The following PCMT1 variants were observed in gnomAD, a reference collection of about 807,000 sequenced individuals.
PCMT1 encodes protein-L-isoaspartate (D-aspartate) O-methyltransferase.
In PCMT1, 9 loss-of-function variants were observed where a neutral mutation model predicts 29.2. The ratio of observed to expected loss-of-function variants is 0.31; its 90% CI spans 0.19 to 0.54. The LOEUF is 0.54. Ranked by LOEUF, PCMT1 falls within the 20% of genes least tolerant of loss-of-function variation. The pLI is 0.95. For synonymous variants in PCMT1, 98 were observed against 97.5 expected (o/e 1.00, Z -0.03); for missense variants, 184 against 282.2 (o/e 0.65, Z 2.49).
At chr6:149,772,910 G>C (rs542560956) in intron 2 of PCMT1, among the ~76,000 whole-genome samples, 1 of 151,744 alleles carries the variant, frequency 6.6e-6, no homozygotes, top group Non-Finnish European at 1.5e-5. Context: ...CCAGCTACTC[G>C]GGAGGCTGAG....
At chr6:149,800,141 G>A (rs989666100) in intron 6 of PCMT1, among the ~76,000 whole-genome samples, 2 of 152,026 alleles carry the variant, frequency 1.3e-5, no homozygotes, top group Non-Finnish European at 2.9e-5. Context: ...TTTGATTGAG[G>A]GCACCCTTTC....
intron 3 of PCMT1, among the ~76,000 whole-genome samples, chr6:149,777,629 C>T (rs1017146167): frequency 3.3e-5 from 5 of 152,068 alleles, no homozygotes; most frequent in African/African-American, 7.2e-5. Context: ...CATATGCACA[C>T]ATACATGCAC....
At chr6:149,788,724 A>G (rs1283641425) in intron 3 of PCMT1, among the ~76,000 whole-genome samples, 3 of 152,304 alleles carry the variant, frequency 2.0e-5, no homozygotes, top group African/African-American at 7.2e-5. Flanking sequence ...TTGTAAAATT[A>G]CTATTTTTCC....
intron 2 of PCMT1, 134 bp from the exon 3 acceptor site, chr6:149,773,004 G>C: frequency 1.5e-6 from 1 of 662,992 alleles, no homozygotes; most frequent in South Asian, 1.9e-5. Context: ...GCGACACAGT[G>C]AGACTGTCTC....
chr6:149,757,198 CAT>C (rs1363219341), intron 1 of PCMT1, among the ~76,000 whole-genome samples: 1 of 152,036 alleles, frequency 6.6e-6, no homozygotes, highest in Non-Finnish European at 1.5e-5. Flanking sequence ...TATCTTTAGT[CAT>C]ATTAGCCACA....
At chr6:149,752,490 C>T (rs936116306) in intron 1 of PCMT1, among the ~76,000 whole-genome samples, 8 of 152,148 alleles carry the variant, frequency 5.3e-5, no homozygotes, top group Admixed American at 1.3e-4. Flanking sequence ...TGAGCCACCA[C>T]GCCCAGCCTA....
chr6:149,768,681 C>T (rs1787190859), intron 1 of PCMT1, among the ~76,000 whole-genome samples: 1 of 151,758 alleles, frequency 6.6e-6, no homozygotes, highest in Non-Finnish European at 1.5e-5. Flanking sequence ...TGCTTGAGTG[C>T]AGTGGCATGA....
At chr6:149,805,322 A>ATG (rs1562427184) in intron 7 of PCMT1, among the ~76,000 whole-genome samples, 60 of 152,298 alleles carry the variant, frequency 3.9e-4, no homozygotes, top group African/African-American at 1.4e-3. Flanking sequence ...GGCTGGGCGC[A>ATG]GTGGCTCACG....
At chr6:149,778,828 T>C (rs983917277) in intron 3 of PCMT1, among the ~76,000 whole-genome samples, 4 of 152,148 alleles carry the variant, frequency 2.6e-5, no homozygotes, top group African/African-American at 7.2e-5. Flanking sequence ...TGTGAGCCAC[T>C]GGGCCGGGCT....
chr6:149,764,415 T>C (rs776751276), intron 1 of PCMT1, among the ~76,000 whole-genome samples: 16 of 152,156 alleles, frequency 1.1e-4, no homozygotes, highest in Non-Finnish European at 2.2e-4. Context: ...ATTAAGCGAA[T>C]ATCACTGCTA....
At chr6:149,768,507 A>G (rs2115244234) in intron 1 of PCMT1, among the ~76,000 whole-genome samples, 1 of 132,652 alleles carries the variant, frequency 7.5e-6, no homozygotes, top group East Asian at 2.4e-4. Context: ...GCTGGAGCGC[A>G]GTGGCATGAT....
intron 3 of PCMT1, among the ~76,000 whole-genome samples, chr6:149,781,308 C>T (rs2115279561): frequency 6.6e-6 from 1 of 151,080 alleles, no homozygotes; most frequent in East Asian, 1.9e-4. Flanking sequence ...CTCACTGCAA[C>T]CTCCGCCTCC....
chr6:149,771,856 C>T (rs1185753126), intron 2 of PCMT1, among the ~76,000 whole-genome samples: 7 of 152,098 alleles, frequency 4.6e-5, no homozygotes, highest in Admixed American at 2.0e-4. Flanking sequence ...CAGTATTAGC[C>T]GAGTGCTGAG....
chr6:149,771,323 G>A lies in PCMT1; in HGVS notation c.160+57G>A, dbSNP rs951026582. 1.1e-5 allele frequency: 12 copies of A among 1,118,174 alleles called. No individual in the cohort carries two copies. The African/African-American group carries it at 1.9e-4, about 17-fold the overall frequency. The allele number at this position is 1,118,174 out of a possible 1,614,324, so 69.3% of individuals were successfully genotyped here. A position where few individuals can be genotyped will look rare whatever the true frequency, so the allele number is the denominator to read the frequency against. On this transcript the variant is annotated intron_variant, in intron 2 of 7. Coordinates refer to ENST00000464889, the MANE Select transcript of PCMT1 (RefSeq NM_001360452.2). ...TTTCATCATTTACTTTATGATTTTTGGAAGTAGAAAAAGCCTGGGACACAG... is the reference window on the plus strand; with the variant it reads ...TTTCATCATTTACTTTATGATTTTTAGAAGTAGAAAAAGCCTGGGACACAG...
At chr6:149,798,630 A>G (rs905830867) in intron 6 of PCMT1, among the ~76,000 whole-genome samples, 3 of 152,352 alleles carry the variant, frequency 2.0e-5, no homozygotes, top group Admixed American at 6.5e-5. Flanking sequence ...TCCATACTCA[A>G]TTAACTAGGA....
At chr6:149,760,102 T>A (rs1446470418) in intron 1 of PCMT1, among the ~76,000 whole-genome samples, 1 of 152,210 alleles carries the variant, frequency 6.6e-6, no homozygotes, top group Non-Finnish European at 1.5e-5. Flanking sequence ...CTACACATTA[T>A]ACTGATTTTT....
At chr6:149,767,681 T>C (rs1044816307) in intron 1 of PCMT1, among the ~76,000 whole-genome samples, 5 of 151,652 alleles carry the variant, frequency 3.3e-5, no homozygotes, top group Admixed American at 3.3e-4. Flanking sequence ...CTCGAACTCC[T>C]GGACTCAAGT....
chr6:149,770,483 G>T (rs933283476), intron 1 of PCMT1, among the ~76,000 whole-genome samples: 1 of 152,084 alleles, frequency 6.6e-6, no homozygotes, highest in Non-Finnish European at 1.5e-5. Flanking sequence ...GAGGTGGGTG[G>T]ATCATGAGGT....
At chr6:149,805,105 A>G (rs1775967531) in intron 7 of PCMT1, among the ~76,000 whole-genome samples, 3 of 152,108 alleles carry the variant, frequency 2.0e-5, no homozygotes, top group Admixed American at 6.6e-5. Flanking sequence ...AGCCAGGCGT[A>G]GTGGTGTGCA....
Sources: gnomAD v4.1 joint callset for allele counts (sites outside exome capture counted in the v4.1 genomes callset) on GRCh38, gnomAD v4.1.1 for gene constraint, MANE v1.5 for transcripts, NCBI Gene and HGNC (gene_info 2026-07-23, HGNC 2026-07-21) for gene names.